Variants in AFF3 observed in about 807,000 individuals in gnomAD.
The protein encoded by AFF3 is AF4/FMR2 family member 3.
Under a neutral mutation model 129.7 loss-of-function variants are expected in AFF3, and 32 were observed. The ratio of observed to expected loss-of-function variants is 0.25; its 90% confidence interval spans 0.19 to 0.33. The LOEUF (loss-of-function observed/expected upper bound fraction) is 0.33. Ranked by LOEUF, AFF3 falls within the 10% of genes least tolerant of loss-of-function variation. AFF3 has a pLI of 1.00. For missense variants in AFF3, 1,373 were observed against 1,592.0 expected, an observed-to-expected ratio of 0.86 and a Z score of 2.34; for synonymous variants, 644 against 635.4, an observed-to-expected ratio of 1.01 and a Z score of -0.20.
At chr2:99,914,312 A>C (rs1189473526) in intron 7 of AFF3, among the ~76,000 whole-genome samples, 4 of 152,210 alleles carry the variant, frequency 2.6e-5, no homozygotes, top group Non-Finnish European at 5.9e-5. Context: ...ACTGAAGAAA[A>C]GTCTGAAATG....
At chr2:99,632,046 C>T (rs1451339927) in intron 13 of AFF3, among the ~76,000 whole-genome samples, 7 of 110,468 alleles carry the variant, frequency 6.3e-5, no homozygotes, top group South Asian at 6.3e-4. Context: ...GATAGAGTCT[C>T]GCTTTGTCAC....
intron 1 of AFF3, among the ~76,000 whole-genome samples, chr2:100,140,779 T>C (rs1294342389): frequency 6.6e-6 from 1 of 152,142 alleles, no homozygotes; most frequent in East Asian, 1.9e-4. Flanking sequence ...GCAGGCCTCA[T>C]AGGGAGGGGT....
rs1684295619 is a variant in AFF3, at chr2:99,780,300, CTCTG to C, written c.922-28003_922-28000del. Among the ~76,000 whole-genome samples the C allele has an allele frequency of 2.0e-5, 3 of 152,336 alleles. No individual in the cohort carries two copies. In the East Asian group the frequency reaches 5.8e-4, roughly 29 times the overall value. ...TTCCCGCCTACTGAACCTCTCAGCG[CTCTG>C]TCTGAGTAAATAATTCTCTCCTAGA... On this transcript the variant is annotated intron_variant, in intron 8 of 24. Transcript: ENST00000672756.
At chr2:100,045,719 G>C (rs1685780064) in intron 4 of AFF3, among the ~76,000 whole-genome samples, 1 of 152,022 alleles carries the variant, frequency 6.6e-6, no homozygotes, top group South Asian at 2.1e-4. Flanking sequence ...CAGGAAGATG[G>C]AAAGAATGAA....
intron 7 of AFF3, among the ~76,000 whole-genome samples, chr2:99,876,029 G>A (rs773225130): frequency 1.3e-5 from 2 of 152,014 alleles, no homozygotes; most frequent in East Asian, 1.9e-4. Flanking sequence ...TGGCACTGGC[G>A]ACTTCCAGTT....
chr2:100,039,835 G>A (rs1296965365), intron 4 of AFF3, among the ~76,000 whole-genome samples: 1 of 152,154 alleles, frequency 6.6e-6, no homozygotes, highest in Admixed American at 6.5e-5. Flanking sequence ...CTTCCTCCTT[G>A]TTCCAGGCAC....
At chr2:99,983,532 G>A (rs1320750953) in intron 7 of AFF3, among the ~76,000 whole-genome samples, 3 of 152,190 alleles carry the variant, frequency 2.0e-5, no homozygotes, top group African/African-American at 4.8e-5. Context: ...ACCAGGCAGC[G>A]ACTTGACCTT....
At chr2:99,720,052 A>G (rs573644197) in intron 11 of AFF3, among the ~76,000 whole-genome samples, 1 of 152,098 alleles carries the variant, frequency 6.6e-6, no homozygotes, top group Non-Finnish European at 1.5e-5. Flanking sequence ...TAAATAAATA[A>G]ACAAACAAAC....
intron 7 of AFF3, among the ~76,000 whole-genome samples, chr2:99,850,337 G>A (rs569876691): frequency 1.3e-5 from 2 of 152,328 alleles, no homozygotes; most frequent in East Asian, 3.9e-4. Context: ...GCAAGACCAA[G>A]GAAGGGTCTC....
chr2:99,659,795 T>C (rs1686066593), intron 12 of AFF3, among the ~76,000 whole-genome samples: 1 of 152,026 alleles, frequency 6.6e-6, no homozygotes, highest in Non-Finnish European at 1.5e-5. Flanking sequence ...CTATTTAGGT[T>C]CTGCTTGGAC....
chr2:100,026,592 T>G (rs1684060628), intron 4 of AFF3, among the ~76,000 whole-genome samples: 1 of 151,980 alleles, frequency 6.6e-6, no homozygotes, highest in Non-Finnish European at 1.5e-5. Flanking sequence ...AAAAGATACT[T>G]GCACATGCAT....
chr2:100,030,642 G>A (rs1461345241), intron 4 of AFF3, among the ~76,000 whole-genome samples: 1 of 152,096 alleles, frequency 6.6e-6, no homozygotes, highest in East Asian at 1.9e-4. Context: ...AACCATTGGT[G>A]GTATATCCAT....
At chr2:100,048,256 T>C (rs1685999819) in intron 4 of AFF3, among the ~76,000 whole-genome samples, 1 of 152,222 alleles carries the variant, frequency 6.6e-6, no homozygotes, top group Admixed American at 6.5e-5. Context: ...GTTGAACAAA[T>C]GTTAATTATA....
intron 18 of AFF3, among the ~76,000 whole-genome samples, chr2:99,572,350 G>C (rs553584186): frequency 1.5e-5 from 2 of 130,686 alleles, no homozygotes; most frequent in Non-Finnish European, 1.5e-5. Flanking sequence ...ATCAGGGTTT[G>C]AGCTACCCCC....
chr2:100,045,371 G>A (rs1179115632), intron 4 of AFF3, among the ~76,000 whole-genome samples: 1 of 152,148 alleles, frequency 6.6e-6, no homozygotes, highest in Non-Finnish European at 1.5e-5. Flanking sequence ...GCAGACTAAT[G>A]TACTTCTTAA....
At chr2:99,853,156 A>C in intron 7 of AFF3, among the ~76,000 whole-genome samples, 1 of 152,330 alleles carries the variant, frequency 6.6e-6, no homozygotes, top group South Asian at 2.1e-4. Flanking sequence ...ATAACATGTC[A>C]AGTTTAAAAT....
intron 7 of AFF3, among the ~76,000 whole-genome samples, chr2:100,003,109 C>A (rs796993992): frequency 2.1e-4 from 1 of 4,726 alleles, no homozygotes; most frequent in Non-Finnish European, 4.2e-4. Flanking sequence ...AGTTGGGGGT[C>A]GGGGGGGTGG....
intron 4 of AFF3, among the ~76,000 whole-genome samples, chr2:100,083,300 C>T (rs565825533): frequency 1.7e-4 from 26 of 152,286 alleles, no homozygotes; most frequent in African/African-American, 6.3e-4. Context: ...CTACCTGACT[C>T]CACTGTGCCA....
chr2:99,814,177 G>A (rs970576775), intron 8 of AFF3, among the ~76,000 whole-genome samples: 3 of 152,102 alleles, frequency 2.0e-5, no homozygotes, highest in African/African-American at 7.2e-5. Flanking sequence ...GTAAGGGGAT[G>A]ACAGATATTT....
Sources: allele counts gnomAD v4.1 joint callset (sites outside exome capture counted in the v4.1 genomes callset), GRCh38; gene constraint gnomAD v4.1.1; transcripts MANE v1.5; gene names NCBI Gene and HGNC (gene_info 2026-07-23, HGNC 2026-07-21).